CAMK4: variants seen among roughly 807,000 people sequenced by gnomAD.
The protein encoded by CAMK4 is calcium/calmodulin dependent protein kinase IV, also known as calcium/calmodulin-dependent protein kinase type IV.
Under a neutral mutation model 44.9 loss-of-function variants are expected in CAMK4, and 22 were observed. That is an observed-to-expected ratio of 0.49 (90% CI 0.35 to 0.70). CAMK4 has a LOEUF of 0.70. CAMK4 is among the 30% of genes least tolerant of loss of function. The pLI is 0.01. For missense variants in CAMK4, 498 were observed against 586.8 expected, an observed-to-expected ratio of 0.85 and a Z score of 1.56; for synonymous variants, 218 against 215.4, an observed-to-expected ratio of 1.01 and a Z score of -0.11.
At chr5:111,317,883 C>A in intron 1 of CAMK4, among the ~76,000 whole-genome samples, 1 of 91,200 alleles carries the variant, frequency 1.1e-5, no homozygotes, top group Non-Finnish European at 2.0e-5. Flanking sequence ...ATCCTAAAGC[C>A]GGTGGAGTAA....
chr5:111,344,182 G>A, intron 2 of CAMK4, 80 bp downstream of exon 2: 3 of 828,992 alleles, frequency 3.6e-6, no homozygotes, highest in Middle Eastern at 2.4e-4. Context: ...GAAGAACAAA[G>A]GGGCCAGAGA....
chr5:111,435,681 G>A (rs142941224), intron 5 of CAMK4, among the ~76,000 whole-genome samples: 1 of 152,252 alleles, frequency 6.6e-6, no homozygotes, highest in Non-Finnish European at 1.5e-5. Context: ...AAATTTGCTT[G>A]CTGCTTCTTT....
At chr5:111,229,494 T>G (rs1361107872) in intron 1 of CAMK4, among the ~76,000 whole-genome samples, 1 of 152,228 alleles carries the variant, frequency 6.6e-6, no homozygotes, top group Non-Finnish European at 1.5e-5. Context: ...CTTCAACATG[T>G]GAATTTTGAG....
intron 5 of CAMK4, among the ~76,000 whole-genome samples, chr5:111,409,460 A>G (rs1204243950): frequency 6.6e-6 from 1 of 152,372 alleles, no homozygotes; most frequent in Middle Eastern, 3.4e-3. Context: ...GGTCAGGCCT[A>G]TGAAACCATT....
chr5:111,287,114 T>C (rs1047330411), intron 1 of CAMK4, among the ~76,000 whole-genome samples: 7 of 152,218 alleles, frequency 4.6e-5, no homozygotes, highest in East Asian at 3.8e-4. Context: ...AAACTTTTTT[T>C]AACTTTTTAA....
At chr5:111,320,662 A>G (rs2112693365) in intron 1 of CAMK4, among the ~76,000 whole-genome samples, 1 of 152,230 alleles carries the variant, frequency 6.6e-6, no homozygotes. Flanking sequence ...ATGCACCACC[A>G]TGCCCAACTA....
chr5:111,384,036 G>A (rs567372835), intron 4 of CAMK4, among the ~76,000 whole-genome samples: 8 of 152,220 alleles, frequency 5.3e-5, no homozygotes, highest in Middle Eastern at 3.4e-3. Context: ...TGGGTAGTTC[G>A]GTCTTGATAG....
intron 7 of CAMK4, 125 bp from the exon 8 acceptor site, chr5:111,473,186 G>C (rs1755122536): frequency 2.7e-6 from 2 of 733,880 alleles, no homozygotes; most frequent in Non-Finnish European, 4.9e-6. Flanking sequence ...GGTTTGGGGA[G>C]AGAAGATTGG....
At chr5:111,479,403 A>G (rs1018396523) in intron 9 of CAMK4, among the ~76,000 whole-genome samples, 7 of 152,232 alleles carry the variant, frequency 4.6e-5, no homozygotes, top group Admixed American at 6.5e-5. Flanking sequence ...GAGGTCACTC[A>G]CCTCTTATAA....
At chr5:111,284,126 CA>C (rs1561385215) in intron 1 of CAMK4, among the ~76,000 whole-genome samples, 1 of 152,156 alleles carries the variant, frequency 6.6e-6, no homozygotes, top group Non-Finnish European at 1.5e-5. Context: ...TCTGCTATCA[CA>C]AATTATTTAA....
At chr5:111,460,270 TC>T (rs67060009) in intron 7 of CAMK4, among the ~76,000 whole-genome samples, 1,367 of 135,982 alleles carry the variant, frequency 0.01, 82 homozygotes, top group African/African-American at 0.038. Flanking sequence ...CTTTTCTTTT[TC>T]TTTTTTTTTT....
chr5:111,256,523 C>G (rs527575459), intron 1 of CAMK4, among the ~76,000 whole-genome samples: 1 of 152,212 alleles, frequency 6.6e-6, no homozygotes, highest in East Asian at 1.9e-4. Context: ...CTTCTTTATA[C>G]TAGTTTTGAG....
At position 111,478,425 on chromosome 5, in the gene CAMK4, T is replaced by A. The variant is rs1755320785; in HGVS notation, c.746T>A (p.Phe249Tyr). ...TTCTATGATGAAAGAGGCGATCAGT[T>A]CATGTTCAGGAGAATTCTGAATTGT... ...EPFYDERGDQ[F>Y]MFRRILNCEY... The change falls in exon 9 of 11, where the codon TTC becomes TAC. Residue 249 changes from phenylalanine to tyrosine, a missense_variant. By Grantham distance (22) the Phe-to-Tyr change is conservative. Coordinates refer to ENST00000282356, the MANE Select transcript of CAMK4 (RefSeq NM_001744.6). 1.3e-6 allele frequency: 2 copies of A among 1,578,202 alleles called. No homozygotes were observed. The highest frequency in any genetic ancestry group is 1.7e-6 in the Non-Finnish European group (2 of 1,149,910).
At chr5:111,441,239 G>T (rs1386058605) in intron 5 of CAMK4, among the ~76,000 whole-genome samples, 3 of 152,066 alleles carry the variant, frequency 2.0e-5, no homozygotes, top group African/African-American at 7.2e-5. Flanking sequence ...ATATGCCTTT[G>T]GCAGCAAATA....
intron 5 of CAMK4, among the ~76,000 whole-genome samples, chr5:111,426,593 A>G (rs1315842467): frequency 6.6e-6 from 1 of 152,182 alleles, no homozygotes; most frequent in African/African-American, 2.4e-5. Flanking sequence ...TCGCTGAAAG[A>G]GGCACTGAAG....
At position 111,415,276 on chromosome 5, in the gene CAMK4, A is replaced by G. The variant is rs540502773; in HGVS notation, c.459+20494A>G. The stretch of plus-strand genomic sequence containing the variant: ...ACTCCTCCCTCTGTCCAGCATATCC[A>G]TGCTGTATACCCTCATGCTCTTTCA... On this transcript the variant is annotated intron_variant, in intron 5 of 10. Transcript: ENST00000282356. Among the ~76,000 whole-genome samples the G allele has an allele frequency of 6.7e-4, 102 of 152,324 alleles. 1 individual carries two copies. The Middle Eastern group carries it at 0.014, about 20-fold the overall frequency.
intron 5 of CAMK4, among the ~76,000 whole-genome samples, chr5:111,432,252 C>T (rs1213779502): frequency 6.6e-6 from 1 of 151,974 alleles, no homozygotes; most frequent in Non-Finnish European, 1.5e-5. Flanking sequence ...AAGTCAGGCA[C>T]AGAAAAACAA....
chr5:111,405,140 A>G (rs960437005), intron 5 of CAMK4, among the ~76,000 whole-genome samples: 1 of 152,236 alleles, frequency 6.6e-6, no homozygotes, highest in Non-Finnish European at 1.5e-5. Context: ...GTCAGAAAAT[A>G]TCTTGCCAGA....
chr5:111,349,611 T>G (rs894389114), intron 2 of CAMK4, among the ~76,000 whole-genome samples: 19 of 152,128 alleles, frequency 1.2e-4, no homozygotes, highest in Non-Finnish European at 2.4e-4. Flanking sequence ...CTGAGTTAAA[T>G]AGAATGCCAG....
Sources: gnomAD v4.1 joint callset for allele counts (sites outside exome capture counted in the v4.1 genomes callset) on GRCh38, gnomAD v4.1.1 for gene constraint, MANE v1.5 for transcripts, NCBI Gene and HGNC (gene_info 2026-07-23, HGNC 2026-07-21) for gene names.